SEMA4F: variants seen among roughly 807,000 people sequenced by gnomAD.
SEMA4F encodes semaphorin-4F.
Under a neutral mutation model 78.4 loss-of-function variants are expected in SEMA4F, and 51 were observed. That is an observed-to-expected ratio of 0.65 (90% confidence interval 0.52 to 0.82). SEMA4F has a LOEUF of 0.82. SEMA4F is among the 40% of genes least tolerant of loss of function. SEMA4F has a pLI of 0.00. For missense variants in SEMA4F, 938 were observed against 1,014.4 expected, an observed-to-expected ratio of 0.92 and a Z score of 1.02; for synonymous variants, 418 against 408.7, an observed-to-expected ratio of 1.02 and a Z score of -0.27.
chr2:74,654,588 T>G, intron 1 of SEMA4F, 67 bp downstream of exon 1: 2 of 1,363,728 alleles, frequency 1.5e-6, no homozygotes, highest in Non-Finnish European at 1.9e-6. Flanking sequence ...CACCTGCTCC[T>G]CAGACCGCTC....
At chr2:74,664,056 A>G (rs114813845) in intron 5 of SEMA4F, among the ~76,000 whole-genome samples, 1 of 152,324 alleles carries the variant, frequency 6.6e-6, no homozygotes, top group African/African-American at 2.4e-5. Context: ...TGACTGTCTA[A>G]TTTATTAGCA....
the SEMA4F span, among the ~76,000 whole-genome samples, chr2:74,705,553 T>G: frequency 6.6e-6 from 1 of 152,220 alleles, no homozygotes; most frequent in African/African-American, 2.4e-5. Context: ...GTACAGTATT[T>G]TACAATGAGT....
the SEMA4F span, among the ~76,000 whole-genome samples, chr2:74,706,512 T>C: frequency 3.3e-5 from 5 of 152,094 alleles, no homozygotes; most frequent in Non-Finnish European, 7.4e-5. Flanking sequence ...TGATGTGAAC[T>C]TGATGTCAGA....
chr2:74,696,587 A>T, the SEMA4F span, among the ~76,000 whole-genome samples: 1 of 152,146 alleles, frequency 6.6e-6, no homozygotes, highest in East Asian at 1.9e-4. Flanking sequence ...GGGGTGAGGG[A>T]TAAAAAAACT....
At chr2:74,701,292 C>T in the SEMA4F span, among the ~76,000 whole-genome samples, 1 of 152,130 alleles carries the variant, frequency 6.6e-6, no homozygotes, top group African/African-American at 2.4e-5. Flanking sequence ...CCTTACCCAG[C>T]CTGGGACCCA....
At chr2:74,708,143 T>C in the SEMA4F span, among the ~76,000 whole-genome samples, 2 of 151,186 alleles carry the variant, frequency 1.3e-5, no homozygotes, top group Non-Finnish European at 3.0e-5. Context: ...AAAAAAAAAA[T>C]CATAAAATCA....
intron 4 of SEMA4F, among the ~76,000 whole-genome samples, chr2:74,661,675 G>C (rs1251849215): frequency 6.6e-6 from 1 of 152,148 alleles, no homozygotes; most frequent in African/African-American, 2.4e-5. Context: ...GACTTCAAAA[G>C]TTTTAACAGG....
chr2:74,665,045 C>T (rs3025988), intron 5 of SEMA4F, among the ~76,000 whole-genome samples: 218 of 152,034 alleles, frequency 1.4e-3, no homozygotes, highest in Middle Eastern at 0.01. Context: ...CTGTTTTTTT[C>T]TTTCCTTGCT....
chr2:74,680,291 A>T lies in SEMA4F; in HGVS notation c.*82A>T. ...GATGCTGGGGGTCACTGGGCCTGGA[A>T]GACCATCCCAGCCTCTGAGTTCTCT... is the stretch of plus-strand genomic sequence containing the variant. On this transcript the variant is annotated 3_prime_UTR_variant, in exon 14 of 14. Coordinates refer to ENST00000357877, the MANE Select transcript of SEMA4F (RefSeq NM_004263.5). 3 of 1,449,830 alleles carry T rather than the reference A, an allele frequency of 2.1e-6. No individual in the cohort carries two copies. The highest frequency in any genetic ancestry group is 2.8e-6 in the Non-Finnish European group (3 of 1,077,618). The allele number at this position is 1,449,830 out of a possible 1,614,324, so 89.8% of individuals were successfully genotyped here.
chr2:74,679,443 G>T (rs1365278445), intron 13 of SEMA4F, 109 bp downstream of exon 13: 3 of 1,465,080 alleles, frequency 2.0e-6, no homozygotes, highest in Non-Finnish European at 1.9e-6. Context: ...GGAAGATGTG[G>T]CAGCCAGGAA....
At chr2:74,669,253 G>C (rs891918922) in intron 5 of SEMA4F, among the ~76,000 whole-genome samples, 2 of 151,910 alleles carry the variant, frequency 1.3e-5, no homozygotes, top group African/African-American at 4.8e-5. Flanking sequence ...GGCTGTTCAC[G>C]CCACTTCACT....
At position 74,682,483 on chromosome 2, in the gene SEMA4F, C is replaced by T. The variant is rs981020513; in HGVS notation, c.*2274C>T. ...TAAGCCTCACTCAGTAAAGGACAGTCATTGTTTCACAGATATCCTGTTCTG... is the reference window on the plus strand; with the variant it reads ...TAAGCCTCACTCAGTAAAGGACAGTTATTGTTTCACAGATATCCTGTTCTG... On this transcript the variant is annotated 3_prime_UTR_variant, in exon 14 of 14. Transcript: ENST00000357877. 2.0e-5 allele frequency: 3 copies of T among 151,940 alleles called. No individual in the cohort carries two copies. Among genetic ancestry groups the T allele is most frequent in the Non-Finnish European group, 4.4e-5 (3 of 68,032 alleles). 9.4% of individuals were successfully genotyped at this position (151,940 alleles called of 1,614,324 possible).
intron 2 of SEMA4F, 97 bp downstream of exon 2, chr2:74,656,782 A>C: frequency 1.4e-5 from 17 of 1,234,008 alleles, no homozygotes; most frequent in East Asian, 1.1e-4. Flanking sequence ...ATAACTAAAG[A>C]TGTAACAGCA....
the SEMA4F span, among the ~76,000 whole-genome samples, chr2:74,690,849 G>A: frequency 6.6e-6 from 1 of 152,148 alleles, no homozygotes; most frequent in Admixed American, 6.5e-5. Flanking sequence ...TCAATTATCT[G>A]TCTTCAAGAT....
chr2:74,688,500 T>A (rs1685862693), downstream of SEMA4F, among the ~76,000 whole-genome samples: 1 of 151,942 alleles, frequency 6.6e-6, no homozygotes, highest in African/African-American at 2.4e-5. Context: ...ACAAGGGAAA[T>A]GAAAATAAAA....
At position 74,654,483 on chromosome 2, in the gene SEMA4F, T is replaced by TC; in HGVS notation, c.112dup (p.Arg38ProfsTer12). ...CTGAGCGGCCCGGTATCCGGCCGCG[T>TC]CCCCCGCTCGGTGCCCAGAACCTCG... On this transcript the variant is annotated frameshift_variant, in exon 1 of 14. Transcript: ENST00000357877. LOFTEE classifies it high-confidence loss of function. 6.5e-7 allele frequency: 1 copy of TC among 1,539,614 alleles called. No individual in the cohort carries two copies.
the SEMA4F span, among the ~76,000 whole-genome samples, chr2:74,701,701 A>C: frequency 6.6e-6 from 1 of 152,182 alleles, no homozygotes; most frequent in Non-Finnish European, 1.5e-5. Context: ...TGCTGTGCCT[A>C]GAGTATGAAA....
chr2:74,673,030 G>A lies in SEMA4F; in HGVS notation c.551-427G>A, dbSNP rs558402097. Among the ~76,000 whole-genome samples the A allele has an allele frequency of 3.9e-5, 6 of 152,264 alleles. No homozygotes were observed. The East Asian group carries it at 1.2e-3, about 29-fold the overall frequency. On this transcript the variant is annotated intron_variant, in intron 5 of 13. Transcript: ENST00000357877. Reference sequence around the variant, plus strand: ...GTGTACGCCCACTAATGTTCAGAAAGAACATTCATTCCCTGAGACATTTAC... The same window carrying A: ...GTGTACGCCCACTAATGTTCAGAAAAAACATTCATTCCCTGAGACATTTAC...
At chr2:74,673,317 T>A (rs574349120) in intron 5 of SEMA4F, 140 bp from the exon 6 acceptor site, 2 of 973,000 alleles carry the variant, frequency 2.1e-6, no homozygotes, top group Admixed American at 2.4e-5. Context: ...ATGCCTGTGA[T>A]GTGCTCAGCA....
Sources: gnomAD v4.1 joint callset for allele counts (sites outside exome capture counted in the v4.1 genomes callset) on GRCh38, gnomAD v4.1.1 for gene constraint, MANE v1.5 for transcripts, NCBI Gene and HGNC (gene_info 2026-07-23, HGNC 2026-07-21) for gene names.